BMP6: variants seen among roughly 807,000 people sequenced by gnomAD.
The protein encoded by BMP6 is VG-1-R.
In BMP6, 17 loss-of-function variants were observed where a neutral mutation model predicts 54.1. The observed-to-expected ratio is 0.31, with a 90% CI of 0.22 to 0.47. The LOEUF (loss-of-function observed/expected upper bound fraction) is 0.47, where lower values mean the gene tolerates loss of function less well. Ranked by LOEUF, BMP6 falls within the 20% of genes least tolerant of loss-of-function variation. The pLI is 1.00. For missense variants in BMP6, 720 were observed against 690.4 expected, an observed-to-expected ratio of 1.04 and a Z score of -0.48; for synonymous variants, 328 against 291.2, an observed-to-expected ratio of 1.13 and a Z score of -1.28.
intron 1 of BMP6, among the ~76,000 whole-genome samples, chr6:7,773,630 G>A (rs1005351888): frequency 3.9e-5 from 6 of 152,144 alleles, no homozygotes; most frequent in African/African-American, 1.2e-4. Context: ...GCATCCAAAA[G>A]TTTTAAAAGG....
intron 1 of BMP6, among the ~76,000 whole-genome samples, chr6:7,831,705 G>C (rs1017573968): frequency 2.6e-5 from 4 of 152,108 alleles, no homozygotes; most frequent in African/African-American, 9.7e-5. Flanking sequence ...GAGTATTCTG[G>C]GCCAATAGTG....
At chr6:7,832,797 C>A (rs1362483598) in intron 1 of BMP6, among the ~76,000 whole-genome samples, 1 of 148,988 alleles carries the variant, frequency 6.7e-6, no homozygotes, top group Non-Finnish European at 1.5e-5. Flanking sequence ...CAGTCTCAAT[C>A]CAGGAAGTAA....
chr6:7,829,518 ATG>A (rs1315329591), intron 1 of BMP6, among the ~76,000 whole-genome samples: 1 of 152,154 alleles, frequency 6.6e-6, no homozygotes, highest in East Asian at 1.9e-4. Context: ...AGCCTAGGCA[ATG>A]TAGTGGGACC....
chr6:7,817,562 G>T (rs1451675341), intron 1 of BMP6, among the ~76,000 whole-genome samples: 5 of 147,018 alleles, frequency 3.4e-5, no homozygotes, highest in East Asian at 2.0e-4. Flanking sequence ...CATCACACAC[G>T]GGGGCCTGTC....
At chr6:7,866,100 T>TTGGATCGA (rs1759419547) in intron 4 of BMP6, among the ~76,000 whole-genome samples, 1 of 152,228 alleles carries the variant, frequency 6.6e-6, no homozygotes, top group African/African-American at 2.4e-5. Flanking sequence ...GGATAGTGGT[T>TTGGATCGA]TGGATCGACG....
chr6:7,758,255 ATG>A (rs1757556556), intron 1 of BMP6, among the ~76,000 whole-genome samples: 1 of 152,230 alleles, frequency 6.6e-6, no homozygotes, highest in African/African-American at 2.4e-5. Flanking sequence ...CGTACTGAGA[ATG>A]TGAATTCGCA....
chr6:7,875,539 C>T lies in BMP6; in HGVS notation c.1205-3535C>T, dbSNP rs375217219. Among the ~76,000 whole-genome samples the T allele has an allele frequency of 1.2e-4, 18 of 151,968 alleles. No homozygotes were observed. The South Asian group carries it at 1.2e-3, about 11-fold the overall frequency. ...CATTAAAAGTTAGCTTGTGGTGGCCCGTTCTTGTAGTCCCAGCTGCTTGGG... is the reference window on the plus strand; with the variant it reads ...CATTAAAAGTTAGCTTGTGGTGGCCTGTTCTTGTAGTCCCAGCTGCTTGGG... On this transcript the variant is annotated intron_variant, in intron 4 of 6. Transcript: ENST00000283147.
At chr6:7,811,607 G>A (rs937074413) in intron 1 of BMP6, among the ~76,000 whole-genome samples, 2 of 152,134 alleles carry the variant, frequency 1.3e-5, no homozygotes, top group Non-Finnish European at 2.9e-5. Flanking sequence ...TTCTGAAATG[G>A]GGCCTAAGTT....
chr6:7,879,258 G>T, intron 5 of BMP6, 108 bp downstream of exon 5: 2 of 1,184,334 alleles, frequency 1.7e-6, no homozygotes, highest in South Asian at 2.6e-5. Flanking sequence ...AGGCTGAGCT[G>T]CTTCCTTCTG....
chr6:7,777,368 C>T (rs887159223), intron 1 of BMP6, among the ~76,000 whole-genome samples: 3 of 152,208 alleles, frequency 2.0e-5, no homozygotes, highest in African/African-American at 7.2e-5. Context: ...CGTGGATACA[C>T]TTTTATGCAC....
At chr6:7,798,655 C>G (rs1182168738) in intron 1 of BMP6, among the ~76,000 whole-genome samples, 1 of 152,214 alleles carries the variant, frequency 6.6e-6, no homozygotes, top group Non-Finnish European at 1.5e-5. Flanking sequence ...CACACTCACT[C>G]ACTCGGCACT....
At chr6:7,776,276 T>C (rs1188553766) in intron 1 of BMP6, among the ~76,000 whole-genome samples, 2 of 152,190 alleles carry the variant, frequency 1.3e-5, no homozygotes, top group Non-Finnish European at 2.9e-5. Flanking sequence ...CTTCCCTCAG[T>C]TTTCTCACTT....
At chr6:7,879,879 G>C in intron 5 of BMP6, 112 bp from the exon 6 acceptor site, 2 of 1,097,384 alleles carry the variant, frequency 1.8e-6, no homozygotes, top group African/African-American at 1.5e-5. Flanking sequence ...TCCTGCGTCT[G>C]TATCCTTGCC....
chr6:7,856,120 TAAAAAAAA>T (rs56264814), intron 2 of BMP6, among the ~76,000 whole-genome samples: 66 of 83,664 alleles, frequency 7.9e-4, no homozygotes, highest in East Asian at 3.7e-3. Context: ...TCAAAGACTG[TAAAAAAAA>T]AAAAAAAAAA....
intron 1 of BMP6, among the ~76,000 whole-genome samples, chr6:7,801,897 A>G (rs866298676): frequency 6.6e-6 from 1 of 152,176 alleles, no homozygotes; most frequent in African/African-American, 2.4e-5. Flanking sequence ...AGATGGTCCT[A>G]TACTACAATT....
At chr6:7,844,877 T>C (rs560779586) in intron 1 of BMP6, among the ~76,000 whole-genome samples, 2 of 152,336 alleles carry the variant, frequency 1.3e-5, no homozygotes, top group East Asian at 3.9e-4. Context: ...CTTGCTCTCA[T>C]GCAAATTCAT....
chr6:7,879,190 G>C, intron 5 of BMP6, 40 bp downstream of exon 5: 1 of 1,567,898 alleles, frequency 6.4e-7, no homozygotes, highest in Non-Finnish European at 8.8e-7. Context: ...TCCTTTCTCA[G>C]CAGTTTACTC....
chr6:7,777,409 T>C (rs1757877546), intron 1 of BMP6, among the ~76,000 whole-genome samples: 1 of 152,208 alleles, frequency 6.6e-6, no homozygotes. Flanking sequence ...AAGTAATACA[T>C]GAATACTTTC....
In BMP6 at chr6:7,751,109, G is replaced by A. The variant is rs567752348; in HGVS notation, c.664+23490G>A. ...GCTTCAAGGCAGACTTGACCAAGTG[G>A]TATTGCCTCCCGCTGATATTTAGGT... On this transcript the variant is annotated intron_variant, in intron 1 of 6. Coordinates refer to ENST00000283147, the MANE Select transcript of BMP6 (RefSeq NM_001718.6). 6.2e-4 allele frequency among the ~76,000 whole-genome samples: 95 copies of A among 152,290 alleles called. 1 individual carries two copies. Among genetic ancestry groups the A allele is most frequent in the African/African-American group, 2.0e-3 (85 of 41,552 alleles).
Sources: gnomAD v4.1 joint callset for allele counts (sites outside exome capture counted in the v4.1 genomes callset) on GRCh38, gnomAD v4.1.1 for gene constraint, MANE v1.5 for transcripts, NCBI Gene and HGNC (gene_info 2026-07-23, HGNC 2026-07-21) for gene names.